GPM6B: variants seen among roughly 807,000 people sequenced by gnomAD.
GPM6B encodes glycoprotein M6B.
In GPM6B, 4 loss-of-function variants were observed where a neutral mutation model predicts 27.2. That is an observed-to-expected ratio of 0.15 (90% CI 0.07 to 0.34). The LOEUF is 0.34. GPM6B is among the 10% of genes least tolerant of loss of function. GPM6B has a pLI of 1.00. For synonymous variants in GPM6B, 124 were observed against 103.1 expected (o/e 1.20, Z -1.23); for missense variants, 183 against 261.9 (o/e 0.70, Z 2.08).
intron 1 of GPM6B, among the ~76,000 whole-genome samples, chrX:13,810,522 G>C (rs182929133): frequency 9.0e-6 from 1 of 111,361 alleles, no homozygotes; most frequent in African/African-American, 3.3e-5. Context: ...CCACCATGCT[G>C]ACTTTTACCC....
intron 1 of GPM6B, among the ~76,000 whole-genome samples, chrX:13,853,611 A>G (rs1160791162): frequency 9.3e-6 from 1 of 107,416 alleles, no homozygotes; most frequent in African/African-American, 3.4e-5. Flanking sequence ...AAAAAAAAAA[A>G]AAGGGAAAAA....
At chrX:13,817,434 A>T, upstream of GPM6B, 5 of 623,972 alleles carry the variant, frequency 8.0e-6, no homozygotes, top group Non-Finnish European at 7.7e-6. Flanking sequence ...GAAAGAAAAG[A>T]GCCCCCTCCC....
At chrX:13,775,522 T>G (rs2048396530) in intron 7 of GPM6B, among the ~76,000 whole-genome samples, 1 of 112,672 alleles carries the variant, frequency 8.9e-6, no homozygotes, top group Non-Finnish European at 1.9e-5. Flanking sequence ...TGCAGTGCTG[T>G]CTAGAGTCCC....
intron 1 of GPM6B, chrX:13,888,883 T>C (rs1194760947): frequency 8.9e-6 from 1 of 112,185 alleles, no homozygotes; most frequent in Non-Finnish European, 1.9e-5. Context: ...CTTTCCTTCA[T>C]TGCGGAGTCA....
At chrX:13,794,101 G>A (rs1234908768) in intron 2 of GPM6B, among the ~76,000 whole-genome samples, 1 of 111,056 alleles carries the variant, frequency 9.0e-6, no homozygotes, top group Admixed American at 9.6e-5. Context: ...GGGTTGAGTT[G>A]TTGCCACAGG....
At chrX:13,918,160 C>T (rs969527796) in intron 1 of GPM6B, among the ~76,000 whole-genome samples, 1 of 112,639 alleles carries the variant, frequency 8.9e-6, no homozygotes, top group Non-Finnish European at 1.9e-5. Flanking sequence ...ATAATTTTTC[C>T]GCCCACCAGA....
chrX:13,869,373 T>C (rs760675731), intron 1 of GPM6B, among the ~76,000 whole-genome samples: 1 of 106,483 alleles, frequency 9.4e-6, no homozygotes, highest in Non-Finnish European at 1.9e-5. Flanking sequence ...TTTTTTTTTT[T>C]AAAGGGGACA....
intron 2 of GPM6B, among the ~76,000 whole-genome samples, chrX:13,792,346 T>C (rs1297989342): frequency 8.9e-6 from 1 of 111,974 alleles, no homozygotes; most frequent in Non-Finnish European, 1.9e-5. Context: ...ATAGCTCCAA[T>C]GTGGAGATTC....
chrX:13,776,109 G>C (rs185977005), intron 7 of GPM6B, 129 bp downstream of exon 7: 3 of 531,100 alleles, frequency 5.6e-6, no homozygotes, highest in Non-Finnish European at 9.9e-6. Context: ...TAACACAGGC[G>C]CCAGTTAACC....
chrX:13,822,984 T>TGA (rs1165681767), intron 1 of GPM6B, among the ~76,000 whole-genome samples: 4 of 112,047 alleles, frequency 3.6e-5, no homozygotes, highest in Non-Finnish European at 7.5e-5. Context: ...TTCCCAAAGC[T>TGA]TTATCAATTT....
At chrX:13,906,219 T>C (rs940447702) in intron 1 of GPM6B, among the ~76,000 whole-genome samples, 1 of 112,282 alleles carries the variant, frequency 8.9e-6, no homozygotes, top group Non-Finnish European at 1.9e-5. Flanking sequence ...ATGCACCTCC[T>C]CCCACTTCCC....
At chrX:13,837,062 T>C (rs1263951694) in intron 1 of GPM6B, among the ~76,000 whole-genome samples, 2 of 112,242 alleles carry the variant, frequency 1.8e-5, no homozygotes, top group Non-Finnish European at 3.8e-5. Context: ...AAAATCAATG[T>C]TTAATGCATA....
chrX:13,781,159 T>C (rs749810298), intron 4 of GPM6B, among the ~76,000 whole-genome samples: 4 of 111,536 alleles, frequency 3.6e-5, no homozygotes, highest in Non-Finnish European at 7.5e-5. Flanking sequence ...CCTTCCCTTC[T>C]GTCAGAGGCC....
At chrX:13,901,207 C>T (rs1244406802) in intron 1 of GPM6B, among the ~76,000 whole-genome samples, 1 of 111,426 alleles carries the variant, frequency 9.0e-6, no homozygotes, top group Non-Finnish European at 1.9e-5. Flanking sequence ...ACTACTGCCT[C>T]GGCATAAATG....
intron 1 of GPM6B, among the ~76,000 whole-genome samples, chrX:13,907,733 T>C (rs993386993): frequency 1.8e-5 from 2 of 112,553 alleles, no homozygotes; most frequent in Non-Finnish European, 3.8e-5. Flanking sequence ...AAATGGACTA[T>C]TGAAGATTGC....
intron 1 of GPM6B, among the ~76,000 whole-genome samples, chrX:13,895,988 T>G (rs1353696548): frequency 1.6e-5 from 1 of 61,143 alleles, no homozygotes; most frequent in African/African-American, 7.4e-5. Context: ...TAGAAAAACT[T>G]TTTTTTTTTT....
chrX:13,781,566 A>C (rs1359785143), intron 4 of GPM6B, among the ~76,000 whole-genome samples: 1 of 111,245 alleles, frequency 9.0e-6, no homozygotes, highest in African/African-American at 3.3e-5. Flanking sequence ...GACCAGGCAT[A>C]AGTGACTATT....
intron 1 of GPM6B, among the ~76,000 whole-genome samples, chrX:13,842,102 G>A (rs1030233398): frequency 9.0e-6 from 1 of 111,362 alleles, no homozygotes; most frequent in African/African-American, 3.3e-5. Context: ...ATTCCAAAAC[G>A]ACTTTGATCT....
intron 2 of GPM6B, among the ~76,000 whole-genome samples, chrX:13,807,069 G>A (rs1225476119): frequency 8.9e-6 from 1 of 112,209 alleles, no homozygotes; most frequent in Non-Finnish European, 1.9e-5. Context: ...TGTTCCTCAC[G>A]AGCAAGGAAA....
Sources: gnomAD v4.1 joint callset for allele counts (sites outside exome capture counted in the v4.1 genomes callset) on GRCh38, gnomAD v4.1.1 for gene constraint, MANE v1.5 for transcripts, NCBI Gene and HGNC (gene_info 2026-07-23, HGNC 2026-07-21) for gene names.